The following MTX2 variants were observed in gnomAD, a reference collection of about 807,000 sequenced individuals.
MTX2 encodes the protein metaxin 2, also known as metaxin-2.
In MTX2, 35 loss-of-function variants were observed where a neutral mutation model predicts 42.3. The ratio of observed to expected loss-of-function variants is 0.83; its 90% CI spans 0.63 to 1.10. MTX2 has a LOEUF of 1.10. MTX2 is among the 50% of genes least tolerant of loss of function. The pLI, the probability that MTX2 is intolerant of heterozygous loss-of-function variation, is 0.00. For synonymous variants in MTX2, 119 were observed against 100.9 expected (o/e 1.18, Z -1.08); for missense variants, 307 against 304.1 (o/e 1.01, Z -0.07).
In MTX2 at chr2:176,297,846, C is replaced by A; in HGVS notation, c.89-3C>A. ...ACATTTATGCTTCATTGTATTTCCACAGGGGAGCAAATTTTACTTTCTGAC... is the reference window on the plus strand; with the variant it reads ...ACATTTATGCTTCATTGTATTTCCAAAGGGGAGCAAATTTTACTTTCTGAC... On this transcript the variant is annotated splice_polypyrimidine_tract_variant and splice_region_variant and intron_variant, in intron 2 of 9. Coordinates refer to ENST00000249442, the MANE Select transcript of MTX2 (RefSeq NM_006554.5). 6.4e-7 allele frequency: 1 copy of A among 1,555,202 alleles called. No homozygotes were observed. Among genetic ancestry groups the A allele is most frequent in the South Asian group, 1.2e-5 (1 of 80,822 alleles).
chr2:176,272,565 A>G (rs747964845), intron 1 of MTX2, among the ~76,000 whole-genome samples: 66 of 152,184 alleles, frequency 4.3e-4, no homozygotes, highest in Admixed American at 7.9e-4. Context: ...TTATACAAAA[A>G]TTATGGTATG....
In MTX2 at chr2:176,269,615, G is replaced by A. The variant is rs1692744324; in HGVS notation, c.-15G>A. The A allele has an allele frequency of 6.3e-7, 1 of 1,582,250 alleles. No individual in the cohort carries two copies. Among genetic ancestry groups the A allele is most frequent in the East Asian group, 2.3e-5 (1 of 43,360 alleles). Reference sequence around the variant, plus strand: ...GTGGGGGGCAGGCACCCGGGCGCCGGGCCTCCCAGCCGACATGTCTCTAGT... The same window carrying A: ...GTGGGGGGCAGGCACCCGGGCGCCGAGCCTCCCAGCCGACATGTCTCTAGT... On this transcript the variant is annotated 5_prime_UTR_variant, in exon 1 of 10. Coordinates refer to ENST00000249442, the MANE Select transcript of MTX2 (RefSeq NM_006554.5).
intron 1 of MTX2, among the ~76,000 whole-genome samples, chr2:176,282,131 T>TTTTGTTTTTTG (rs1339260489): frequency 7.4e-6 from 1 of 134,514 alleles, no homozygotes; most frequent in African/African-American, 2.8e-5. Context: ...CAGTAGTTTT[T>TTTTGTTTTTTG]TTTTTTTTTT....
chr2:176,277,134 T>G (rs1165493788), intron 1 of MTX2, among the ~76,000 whole-genome samples: 1 of 152,240 alleles, frequency 6.6e-6, no homozygotes, highest in Admixed American at 6.5e-5. Context: ...CAGGTATGTT[T>G]TTAAAAATTT....
At chr2:176,334,305 C>A (rs993438957) in intron 9 of MTX2, among the ~76,000 whole-genome samples, 2 of 151,750 alleles carry the variant, frequency 1.3e-5, no homozygotes, top group Admixed American at 6.6e-5. Flanking sequence ...GGCTCTAGTA[C>A]AAGAAGTATA....
chr2:176,275,266 T>C (rs1360976916), intron 1 of MTX2, among the ~76,000 whole-genome samples: 1 of 152,016 alleles, frequency 6.6e-6, no homozygotes, highest in Non-Finnish European at 1.5e-5. Context: ...GAGGTGGCAT[T>C]TTACTCTTGT....
chr2:176,306,117 A>G (rs1684138022), intron 3 of MTX2, among the ~76,000 whole-genome samples: 1 of 151,022 alleles, frequency 6.6e-6, no homozygotes, highest in African/African-American at 2.4e-5. Context: ...CCCTGTGTCG[A>G]AGTGATCTCA....
intron 3 of MTX2, among the ~76,000 whole-genome samples, chr2:176,306,300 C>T (rs1684142926): frequency 6.6e-6 from 1 of 152,170 alleles, no homozygotes. Flanking sequence ...TTTTCTTAAT[C>T]CAGTCTATCA....
At position 176,303,319 on chromosome 2, in the gene MTX2, G is replaced by A. The variant is rs531531555; in HGVS notation, c.135+5424G>A. On this transcript the variant is annotated intron_variant, in intron 3 of 9. Coordinates refer to ENST00000249442, the MANE Select transcript of MTX2 (RefSeq NM_006554.5). Reference sequence around the variant, plus strand: ...ATTCCTCTCAATTTGATCATCCTCTGTCAGATGAGGCTTCTGAATTCACTT... The same window carrying A: ...ATTCCTCTCAATTTGATCATCCTCTATCAGATGAGGCTTCTGAATTCACTT... 3.3e-5 allele frequency among the ~76,000 whole-genome samples: 5 copies of A among 152,206 alleles called. No individual in the cohort carries two copies. In the South Asian group the frequency reaches 1.0e-3, roughly 32 times the overall value.
chr2:176,277,494 CT>C (rs1692975919), intron 1 of MTX2, among the ~76,000 whole-genome samples: 1 of 152,196 alleles, frequency 6.6e-6, no homozygotes, highest in South Asian at 2.1e-4. Context: ...CCTCCGCCTC[CT>C]GGGTTCAAGT....
At position 176,329,362 on chromosome 2, in the gene MTX2, A is replaced by G. The variant is rs1684798988; in HGVS notation, c.479A>G (p.Gln160Arg). ...CCTCTGAATCATATTTTGGCCTATC[A>G]AAAACAGTGGGAAGTCAAACGTAAG... ...PWPLNHILAY[Q>R]KQWEVKRKMK... Residue 160 changes from glutamine to arginine, a missense_variant, in exon 8 of 10, where the codon CAA (glutamine) becomes CGA (arginine). Transcript: ENST00000249442. 1 of 1,607,876 alleles carries G rather than the reference A, an allele frequency of 6.2e-7. No individual in the cohort carries two copies. Among genetic ancestry groups the G allele is most frequent in the Non-Finnish European group, 8.5e-7 (1 of 1,175,792 alleles).
At chr2:176,287,003 G>GT (rs1558927015) in intron 1 of MTX2, among the ~76,000 whole-genome samples, 1 of 152,056 alleles carries the variant, frequency 6.6e-6, no homozygotes, top group Admixed American at 6.6e-5. Flanking sequence ...TGTCGTGTAT[G>GT]TTTTTTTCTT....
intron 1 of MTX2, chr2:176,270,436 A>G (rs1692781186): frequency 7.4e-7 from 1 of 1,342,756 alleles, no homozygotes; most frequent in African/African-American, 1.5e-5. Context: ...AATTTCTCTT[A>G]TTGAGGTTTT....
At chr2:176,290,680 C>G (rs1205447789) in intron 1 of MTX2, among the ~76,000 whole-genome samples, 1 of 151,318 alleles carries the variant, frequency 6.6e-6, no homozygotes, top group Non-Finnish European at 1.5e-5. Flanking sequence ...ATGATACCTA[C>G]ATGGTTGATT....
chr2:176,308,110 C>T (rs548428102), intron 3 of MTX2, among the ~76,000 whole-genome samples: 96 of 152,000 alleles, frequency 6.3e-4, no homozygotes, highest in African/African-American at 2.3e-3. Context: ...TAGCATGAAG[C>T]ACTGTTGAAT....
intron 1 of MTX2, among the ~76,000 whole-genome samples, chr2:176,284,541 C>T (rs923434473): frequency 2.0e-5 from 3 of 152,194 alleles, no homozygotes; most frequent in East Asian, 1.9e-4. Flanking sequence ...CTTTCCTTAT[C>T]GAATACTTCT....
intron 9 of MTX2, among the ~76,000 whole-genome samples, chr2:176,332,355 A>G (rs117414988): frequency 5.9e-5 from 9 of 151,334 alleles, no homozygotes; most frequent in Non-Finnish European, 1.3e-4. Flanking sequence ...TTTGTGAGAT[A>G]CTATGTTGAA....
intron 1 of MTX2, among the ~76,000 whole-genome samples, chr2:176,295,835 T>C (rs542200619): frequency 1.7e-4 from 26 of 152,272 alleles, no homozygotes; most frequent in African/African-American, 2.9e-4. Context: ...GCCAGAATTA[T>C]ATATTAAAGT....
At chr2:176,295,521 G>T (rs905706516) in intron 1 of MTX2, among the ~76,000 whole-genome samples, 1 of 152,016 alleles carries the variant, frequency 6.6e-6, no homozygotes, top group Non-Finnish European at 1.5e-5. Context: ...AGTCCCTTAC[G>T]TATATGTGTA....
Sources: allele counts gnomAD v4.1 joint callset (sites outside exome capture counted in the v4.1 genomes callset), GRCh38; gene constraint gnomAD v4.1.1; transcripts MANE v1.5; gene names NCBI Gene and HGNC (gene_info 2026-07-23, HGNC 2026-07-21).